The following RAB3GAP1 variants were observed in gnomAD, a reference collection of about 807,000 sequenced individuals.
The protein encoded by RAB3GAP1 is rab3 GTPase-activating protein catalytic subunit.
Under a neutral mutation model 130.7 loss-of-function variants are expected in RAB3GAP1, and 86 were observed. The observed-to-expected ratio is 0.66, with a 90% CI of 0.55 to 0.79. The LOEUF (loss-of-function observed/expected upper bound fraction) is 0.79, where lower values mean the gene tolerates loss of function less well. Among genes scored for constraint, RAB3GAP1 ranks in the 30% least tolerant of loss-of-function variants. RAB3GAP1 has a pLI of 0.00. For synonymous variants in RAB3GAP1, 367 were observed against 401.7 expected (o/e 0.91, Z 1.03); for missense variants, 1,029 against 1,169.4 (o/e 0.88, Z 1.75).
chr2:135,084,109 G>A (rs1045691334), intron 3 of RAB3GAP1, among the ~76,000 whole-genome samples: 1 of 152,206 alleles, frequency 6.6e-6, no homozygotes, highest in Non-Finnish European at 1.5e-5. Flanking sequence ...GCCAGATGTT[G>A]TGGCACATGC....
chr2:135,104,775 G>T (rs1296754894), intron 5 of RAB3GAP1, among the ~76,000 whole-genome samples: 1 of 152,112 alleles, frequency 6.6e-6, no homozygotes, highest in African/African-American at 2.4e-5. Context: ...CATGGTCTCA[G>T]CTACTCAGGA....
At chr2:135,062,989 A>G (rs1689220374) in intron 3 of RAB3GAP1, among the ~76,000 whole-genome samples, 1 of 152,152 alleles carries the variant, frequency 6.6e-6, no homozygotes, top group African/African-American at 2.4e-5. Flanking sequence ...CTTTCTTTCC[A>G]ATTTTTATAC....
At chr2:135,102,899 C>T (rs1690488522) in intron 5 of RAB3GAP1, among the ~76,000 whole-genome samples, 1 of 149,770 alleles carries the variant, frequency 6.7e-6, no homozygotes, top group Non-Finnish European at 1.5e-5. Context: ...CCTGTAGTCC[C>T]AGCTACTTGG....
Position 135,113,283 on chromosome 2 carries a change from T to G in RAB3GAP1, c.482+13T>G. On this transcript the variant is annotated intron_variant, in intron 6 of 23. Coordinates refer to ENST00000264158, the MANE Select transcript of RAB3GAP1 (RefSeq NM_012233.3). The stretch of plus-strand genomic sequence containing the variant: ...GAAACACTGGCTGGTGAGTGGACAT[T>G]TTTTAAAACCTAGACAAAAAAACTG... 2 of 1,614,078 alleles carry G rather than the reference T, an allele frequency of 1.2e-6. No homozygotes were observed. Among genetic ancestry groups the G allele is most frequent in the South Asian group, 2.2e-5 (2 of 91,086 alleles).
At chr2:135,157,277 C>G (rs1333665870) in intron 19 of RAB3GAP1, among the ~76,000 whole-genome samples, 2 of 152,148 alleles carry the variant, frequency 1.3e-5, no homozygotes, top group East Asian at 3.9e-4. Context: ...CCTCATCTTC[C>G]GAAAGTGTTG....
In RAB3GAP1 at chr2:135,168,798, C is replaced by T. The variant is rs774429901; in HGVS notation, c.*17C>T. On this transcript the variant is annotated 3_prime_UTR_variant, in exon 24 of 24. Transcript: ENST00000264158. Reference sequence around the variant, plus strand: ...TTCTTCTGATTCTTCTAGCATTACTCGTTGGTGGCTTCAGAGACAGTGCTG... The same window carrying T: ...TTCTTCTGATTCTTCTAGCATTACTTGTTGGTGGCTTCAGAGACAGTGCTG... 29 of 1,601,812 alleles carry T rather than the reference C, an allele frequency of 1.8e-5. No individual in the cohort carries two copies. The highest frequency in any genetic ancestry group is 1.1e-4 in the African/African-American group (8 of 74,700).
chr2:135,140,448 A>G, intron 17 of RAB3GAP1, among the ~76,000 whole-genome samples: 1 of 152,228 alleles, frequency 6.6e-6, no homozygotes. Flanking sequence ...TTTTCTAGGA[A>G]GACTCATAAG....
intron 4 of RAB3GAP1, 61 bp from the exon 5 acceptor site, chr2:135,093,554 G>A: frequency 7.9e-7 from 1 of 1,263,572 alleles, no homozygotes; most frequent in Non-Finnish European, 1.2e-6. Flanking sequence ...CTCAAAGCAT[G>A]TTATAAAACT....
At chr2:135,163,132 C>T in intron 22 of RAB3GAP1, 31 bp downstream of exon 22, 2 of 1,503,784 alleles carry the variant, frequency 1.3e-6, no homozygotes, top group African/African-American at 2.8e-5. Context: ...TCAGTTTTGT[C>T]TGCAGTAGGA....
At chr2:135,077,324 T>G (rs1016865502) in intron 3 of RAB3GAP1, among the ~76,000 whole-genome samples, 1 of 152,160 alleles carries the variant, frequency 6.6e-6, no homozygotes, top group African/African-American at 2.4e-5. Flanking sequence ...TGTCATCTGT[T>G]GCTTCTATAG....
chr2:135,156,109 T>G (rs2104987002), intron 19 of RAB3GAP1, among the ~76,000 whole-genome samples: 1 of 152,132 alleles, frequency 6.6e-6, no homozygotes, highest in South Asian at 2.1e-4. Flanking sequence ...CTAGGGAAAT[T>G]CCTACCAAAA....
intron 3 of RAB3GAP1, among the ~76,000 whole-genome samples, chr2:135,064,439 T>G (rs1347312188): frequency 6.6e-6 from 1 of 152,180 alleles, no homozygotes; most frequent in African/African-American, 2.4e-5. Flanking sequence ...CATTTTTTCT[T>G]TCTTCTTTTG....
At chr2:135,137,541 A>G (rs1317972472) in intron 17 of RAB3GAP1, among the ~76,000 whole-genome samples, 1 of 152,232 alleles carries the variant, frequency 6.6e-6, no homozygotes, top group African/African-American at 2.4e-5. Flanking sequence ...TAACTTGAAG[A>G]TAAATCTTTT....
chr2:135,094,741 C>T (rs538628949), intron 5 of RAB3GAP1, among the ~76,000 whole-genome samples: 1 of 152,298 alleles, frequency 6.6e-6, no homozygotes, highest in East Asian at 1.9e-4. Context: ...ATTCTCTTAT[C>T]TCCGTGAGTT....
At chr2:135,075,162 A>G (rs933408517) in intron 3 of RAB3GAP1, among the ~76,000 whole-genome samples, 8 of 152,238 alleles carry the variant, frequency 5.3e-5, no homozygotes, top group African/African-American at 1.9e-4. Flanking sequence ...TATCTGTCTA[A>G]GGGCCTAGAA....
intron 7 of RAB3GAP1, among the ~76,000 whole-genome samples, chr2:135,115,768 T>C (rs1020926347): frequency 1.3e-5 from 2 of 152,224 alleles, no homozygotes; most frequent in African/African-American, 4.8e-5. Flanking sequence ...CTAAACACTT[T>C]GGGTTCTGAA....
intron 11 of RAB3GAP1, among the ~76,000 whole-genome samples, chr2:135,128,183 A>T (rs1032076823): frequency 1.3e-5 from 2 of 152,222 alleles, no homozygotes; most frequent in African/African-American, 4.8e-5. Context: ...GAATACAAAG[A>T]TGTATAAGGT....
rs189321786 is a variant in RAB3GAP1, at chr2:135,059,556, A to T, written c.150+1470A>T. Reference sequence around the variant, plus strand: ...ATGTACATATTTTGGGGTACATGTGATAATTTGATACATGCATATAATCAA... The same window carrying T: ...ATGTACATATTTTGGGGTACATGTGTTAATTTGATACATGCATATAATCAA... On this transcript the variant is annotated intron_variant, in intron 3 of 23. Coordinates refer to ENST00000264158, the MANE Select transcript of RAB3GAP1 (RefSeq NM_012233.3). Among the ~76,000 whole-genome samples, 7 of 152,274 alleles carry T rather than the reference A, an allele frequency of 4.6e-5. No individual in the cohort carries two copies. In the East Asian group the frequency reaches 1.3e-3, roughly 29 times the overall value.
At chr2:135,077,256 C>T (rs1424467653) in intron 3 of RAB3GAP1, among the ~76,000 whole-genome samples, 1 of 149,874 alleles carries the variant, frequency 6.7e-6, no homozygotes, top group Non-Finnish European at 1.5e-5. Context: ...GGCGACAGAG[C>T]AAGACTCCAT....
Sources: allele counts gnomAD v4.1 joint callset (sites outside exome capture counted in the v4.1 genomes callset), GRCh38; gene constraint gnomAD v4.1.1; transcripts MANE v1.5; gene names NCBI Gene and HGNC (gene_info 2026-07-23, HGNC 2026-07-21).